Variants in DACH1 observed in about 807,000 individuals in gnomAD.
The protein encoded by DACH1 is dachshund family transcription factor 1, also known as dachshund homolog 1.
Under a neutral mutation model 54.2 loss-of-function variants are expected in DACH1, and 12 were observed. The observed-to-expected ratio is 0.22, with a 90% confidence interval of 0.14 to 0.36. The LOEUF (loss-of-function observed/expected upper bound fraction) is 0.36, where lower values mean the gene tolerates loss of function less well. Ranked by LOEUF, DACH1 falls within the 10% of genes least tolerant of loss-of-function variation. The pLI is 1.00. For missense variants in DACH1, 805 were observed against 929.8 expected, an observed-to-expected ratio of 0.87 and a Z score of 1.75; for synonymous variants, 386 against 366.2, an observed-to-expected ratio of 1.05 and a Z score of -0.62.
At chr13:71,844,521 T>A (rs2138244696) in intron 1 of DACH1, among the ~76,000 whole-genome samples, 1 of 152,332 alleles carries the variant, frequency 6.6e-6, no homozygotes, top group East Asian at 1.9e-4. Context: ...CTCTCCTAAA[T>A]GTCTAAGAAA....
intron 3 of DACH1, among the ~76,000 whole-genome samples, chr13:71,614,810 C>A (rs1593988604): frequency 6.8e-6 from 1 of 147,108 alleles, no homozygotes; most frequent in African/African-American, 2.5e-5. Context: ...GCCGTGATTG[C>A]ACCATTGCAC....
chr13:71,829,515 C>G (rs144896556), intron 1 of DACH1, among the ~76,000 whole-genome samples: 3 of 152,034 alleles, frequency 2.0e-5, no homozygotes, highest in African/African-American at 7.2e-5. Context: ...GCTTTATATA[C>G]TTATTTCCTC....
chr13:71,520,281 C>T (rs1303111929), intron 6 of DACH1, among the ~76,000 whole-genome samples: 1 of 151,484 alleles, frequency 6.6e-6, no homozygotes, highest in Non-Finnish European at 1.5e-5. Flanking sequence ...GTAATAATGC[C>T]ATACTCTTGC....
chr13:71,631,976 G>A (rs999959639), intron 2 of DACH1, among the ~76,000 whole-genome samples: 11 of 152,024 alleles, frequency 7.2e-5, no homozygotes, highest in African/African-American at 2.7e-4. Context: ...GCCTGTGCCT[G>A]TAGTTCTGCT....
At chr13:71,545,651 C>T (rs2138343296) in intron 6 of DACH1, among the ~76,000 whole-genome samples, 1 of 151,994 alleles carries the variant, frequency 6.6e-6, no homozygotes, top group East Asian at 1.9e-4. Context: ...ATTGTCTCAT[C>T]TTCTGAAAGT....
At chr13:71,664,889 T>G (rs1208372211) in intron 2 of DACH1, among the ~76,000 whole-genome samples, 6 of 152,016 alleles carry the variant, frequency 3.9e-5, no homozygotes, top group Non-Finnish European at 7.4e-5. Flanking sequence ...TGACCATAAT[T>G]TCTGGAGCCA....
chr13:71,581,180 G>A (rs1432176075), intron 3 of DACH1, among the ~76,000 whole-genome samples: 3 of 151,946 alleles, frequency 2.0e-5, no homozygotes, highest in Non-Finnish European at 4.4e-5. Context: ...CAATAAAAGC[G>A]TTCAGATACA....
chr13:71,496,121 T>C (rs766322402), intron 6 of DACH1, among the ~76,000 whole-genome samples: 8 of 151,280 alleles, frequency 5.3e-5, no homozygotes, highest in Non-Finnish European at 1.2e-4. Context: ...TAATCCCAGC[T>C]ATTTGGAGGG....
intron 1 of DACH1, among the ~76,000 whole-genome samples, chr13:71,766,993 C>G (rs1346939058): frequency 6.6e-6 from 1 of 152,066 alleles, no homozygotes. Context: ...CTAGTTAACA[C>G]CCTCCTCTCC....
At chr13:71,831,976 C>CT (rs1491204493) in intron 1 of DACH1, among the ~76,000 whole-genome samples, 6 of 151,822 alleles carry the variant, frequency 4.0e-5, no homozygotes, top group African/African-American at 1.4e-4. Flanking sequence ...GCTGACCAGA[C>CT]TTTTTTTTGA....
intron 6 of DACH1, among the ~76,000 whole-genome samples, chr13:71,498,046 G>T (rs7326161): frequency 0.014 from 2,178 of 150,838 alleles, 60 homozygotes; most frequent in African/African-American, 0.05. Flanking sequence ...GTGAATAAAA[G>T]AAAAAAAAAT....
rs1887589628 is a variant in DACH1, at chr13:71,808,326, C to T, written c.848+57596G>A. Among the ~76,000 whole-genome samples, 5 of 152,160 alleles carry T rather than the reference C, an allele frequency of 3.3e-5. No individual in the cohort carries two copies. The South Asian group carries it at 1.0e-3, about 32-fold the overall frequency. ...TTATTCCACAAACCTGTTTCTGTGA[C>T]CTCAACTTTCATTATTGACCAGGAT... is the stretch of plus-strand genomic sequence containing the variant. On this transcript the variant is annotated intron_variant, in intron 1 of 10. Coordinates refer to ENST00000613252, the MANE Select transcript of DACH1 (RefSeq NM_080759.6).
At chr13:71,644,153 T>C (rs1878107947) in intron 2 of DACH1, among the ~76,000 whole-genome samples, 1 of 152,188 alleles carries the variant, frequency 6.6e-6, no homozygotes, top group Non-Finnish European at 1.5e-5. Flanking sequence ...CAAAGTCAAC[T>C]GTAGTTTTGA....
chr13:71,522,340 G>C (rs1292447722), intron 6 of DACH1, among the ~76,000 whole-genome samples: 1 of 151,958 alleles, frequency 6.6e-6, no homozygotes, highest in East Asian at 1.9e-4. Flanking sequence ...GTTGAGACTT[G>C]TGGATTATAA....
chr13:71,499,284 A>G (rs1373697530), intron 6 of DACH1, among the ~76,000 whole-genome samples: 1 of 152,202 alleles, frequency 6.6e-6, no homozygotes, highest in African/African-American at 2.4e-5. Context: ...TGTCATTTCC[A>G]TGACCCAGTA....
At chr13:71,837,238 G>A (rs115365535) in intron 1 of DACH1, among the ~76,000 whole-genome samples, 114 of 152,058 alleles carry the variant, frequency 7.5e-4, no homozygotes, top group African/African-American at 2.3e-3. Flanking sequence ...AGTTTTACAC[G>A]TATGATAATA....
intron 6 of DACH1, among the ~76,000 whole-genome samples, chr13:71,509,744 G>A (rs536408106): frequency 1.6e-4 from 24 of 151,980 alleles, no homozygotes; most frequent in African/African-American, 5.1e-4. Flanking sequence ...AGACTCTTCT[G>A]CTCTTAACTA....
chr13:71,852,564 G>T (rs17252745), intron 1 of DACH1, among the ~76,000 whole-genome samples: 12,043 of 152,174 alleles, frequency 0.079, 1,291 homozygotes, highest in East Asian at 0.56. Flanking sequence ...GAGGAAGTTT[G>T]CTTAAAAATT....
intron 1 of DACH1, among the ~76,000 whole-genome samples, chr13:71,712,086 T>C (rs187456557): frequency 1.6e-3 from 243 of 152,178 alleles, no homozygotes; most frequent in Non-Finnish European, 2.7e-3. Context: ...ATCTCTGGCA[T>C]TGGAATGCAT....
Sources: allele counts gnomAD v4.1 joint callset (sites outside exome capture counted in the v4.1 genomes callset), GRCh38; gene constraint gnomAD v4.1.1; transcripts MANE v1.5; gene names NCBI Gene and HGNC (gene_info 2026-07-23, HGNC 2026-07-21).